Variants in LRRTM4 observed in about 807,000 individuals in gnomAD.
LRRTM4 encodes the protein leucine rich repeat transmembrane neuronal 4.
LRRTM4 carries 25 observed loss-of-function variants against 47.6 expected under a neutral mutation model. That is an observed-to-expected ratio of 0.53 (90% CI 0.38 to 0.73). The LOEUF (loss-of-function observed/expected upper bound fraction) is 0.73, where lower values mean the gene tolerates loss of function less well. Among genes scored for constraint, LRRTM4 ranks in the 30% least tolerant of loss-of-function variants. The probability of loss-of-function intolerance (pLI) is 0.00; values close to 1 mark genes in which losing one functional copy is unlikely to be tolerated. For synonymous variants in LRRTM4, 311 were observed against 269.5 expected, an observed-to-expected ratio of 1.15 and a Z score of -1.51; for missense variants, 638 against 713.4, an observed-to-expected ratio of 0.89 and a Z score of 1.20.
Position 77,518,729 on chromosome 2 carries a change from T to G in LRRTM4, c.1140A>C (p.Lys380Asn). Residue 380 changes from lysine (K) to asparagine (N), a missense_variant, in exon 3 of 4, where the codon AAA becomes AAC. By Grantham distance (94) the Lys-to-Asn change is moderately conservative (BLOSUM62 0). Transcript: ENST00000409884. ...RSHLVPQTPQKPLIIPRPTIF... is the reference protein window; with the variant it reads ...RSHLVPQTPQNPLIIPRPTIF... ...TGGTAGGTCTAGGGATAATCAGAGG[T>G]TTCTGGGGAGTTTGGGGCACCAGGT... The G allele has an allele frequency of 6.2e-7, 1 of 1,613,388 alleles. No homozygotes were observed.
intron 3 of LRRTM4, among the ~76,000 whole-genome samples, chr2:77,001,083 C>T (rs1029785801): frequency 2.0e-5 from 3 of 152,156 alleles, no homozygotes; most frequent in African/African-American, 7.2e-5. Flanking sequence ...TTTAAGCTAA[C>T]TAACTAAAGT....
intron 3 of LRRTM4, among the ~76,000 whole-genome samples, chr2:76,982,756 A>C (rs552622720): frequency 6.6e-6 from 1 of 152,222 alleles, no homozygotes; most frequent in East Asian, 1.9e-4. Context: ...TAATTAATAA[A>C]AGCCGATGTT....
At chr2:76,996,600 C>A (rs565967231) in intron 3 of LRRTM4, among the ~76,000 whole-genome samples, 1 of 151,948 alleles carries the variant, frequency 6.6e-6, no homozygotes, top group African/African-American at 2.4e-5. Context: ...TTCTTAAGTG[C>A]GAACTTAATA....
chr2:77,489,727 A>G (rs2104041390), intron 3 of LRRTM4, among the ~76,000 whole-genome samples: 1 of 152,336 alleles, frequency 6.6e-6, no homozygotes, highest in South Asian at 2.1e-4. Context: ...CATTATTACA[A>G]AACCTAATAT....
At chr2:77,367,924 T>C (rs757289666) in intron 3 of LRRTM4, among the ~76,000 whole-genome samples, 2 of 151,910 alleles carry the variant, frequency 1.3e-5, no homozygotes, top group Non-Finnish European at 2.9e-5. Context: ...TGTAAATTAA[T>C]TAAAATCAAA....
Position 76,938,264 on chromosome 2 carries a change from G to T in LRRTM4, c.1552-189348C>A, listed in dbSNP as rs1241453548. On this transcript the variant is annotated intron_variant, in intron 3 of 3. Transcript: ENST00000409884. ...TAGATATTTTGAGTTAATCAAAAAT[G>T]CATCATTTGGTCCTAACTGTCTGGC... Among the ~76,000 whole-genome samples the T allele has an allele frequency of 2.0e-5, 3 of 152,108 alleles. No homozygotes were observed. The East Asian group carries it at 5.8e-4, about 29-fold the overall frequency.
In LRRTM4 at chr2:77,207,372, T is replaced by TATACACACAC. The variant is rs59335400; in HGVS notation, c.1551+310945_1551+310946insGTGTGTGTAT. Among the ~76,000 whole-genome samples, 129 of 131,066 alleles carry TATACACACAC rather than the reference T, an allele frequency of 9.8e-4. 1 individual carries two copies. The highest frequency in any genetic ancestry group is 3.8e-3 in the African/African-American group (119 of 30,920). 86.0% of individuals were successfully genotyped at this position (131,066 alleles called of 152,430 possible). ...GTGTATATATATATATATATATATA[T>TATACACACAC]ACACACACACATATTTATATACACA... On this transcript the variant is annotated intron_variant, in intron 3 of 3. Coordinates refer to ENST00000409884, the MANE Select transcript of LRRTM4 (RefSeq NM_001134745.3).
rs62172134 is a variant in LRRTM4 at position 76,807,425 on chromosome 2, C to T, written c.1552-58509G>A. Among the ~76,000 whole-genome samples the T allele has an allele frequency of 2.2e-3, 219 of 97,864 alleles. 1 individual carries two copies. The highest frequency in any genetic ancestry group is 3.3e-3 in the African/African-American group (61 of 18,614). 64.2% of individuals were successfully genotyped at this position (97,864 alleles called of 152,430 possible). The stretch of plus-strand genomic sequence containing the variant: ...GTATATACGTATATATATATATATA[C>T]ATATATATATACGTATATACATATA... On this transcript the variant is annotated intron_variant, in intron 3 of 3. Coordinates refer to ENST00000409884, the MANE Select transcript of LRRTM4 (RefSeq NM_001134745.3).
intron 3 of LRRTM4, among the ~76,000 whole-genome samples, chr2:77,401,289 C>T (rs1453424418): frequency 2.0e-5 from 3 of 152,016 alleles, no homozygotes; most frequent in East Asian, 3.9e-4. Flanking sequence ...TGCAGACTAA[C>T]ATTTGAGAAT....
chr2:77,233,169 A>C (rs1401133156), intron 3 of LRRTM4, among the ~76,000 whole-genome samples: 1 of 152,228 alleles, frequency 6.6e-6, no homozygotes, highest in Non-Finnish European at 1.5e-5. Context: ...CTTTTGTAGG[A>C]AAACCCAGAG....
chr2:77,420,969 AAG>A (rs2103881177), intron 3 of LRRTM4, among the ~76,000 whole-genome samples: 1 of 150,372 alleles, frequency 6.7e-6, no homozygotes, highest in Admixed American at 6.6e-5. Flanking sequence ...AAAAAAAGAC[AAG>A]GCTCCTTGGA....
chr2:77,242,193 G>A (rs1015850979), intron 3 of LRRTM4, among the ~76,000 whole-genome samples: 1 of 152,022 alleles, frequency 6.6e-6, no homozygotes, highest in African/African-American at 2.4e-5. Flanking sequence ...TTGGAATTTG[G>A]ATAAGAATTG....
chr2:76,843,716 G>T (rs1671754288), intron 3 of LRRTM4, among the ~76,000 whole-genome samples: 1 of 152,114 alleles, frequency 6.6e-6, no homozygotes, highest in Non-Finnish European at 1.5e-5. Context: ...GTTGGAGAAG[G>T]TTGAGGATGG....
intron 3 of LRRTM4, chr2:77,517,431 C>G: frequency 1.0e-6 from 1 of 984,896 alleles, no homozygotes; most frequent in Non-Finnish European, 1.2e-6. Context: ...GGGATGACAG[C>G]AATACTGACA....
At chr2:77,171,281 C>T (rs974490829) in intron 3 of LRRTM4, among the ~76,000 whole-genome samples, 2 of 151,644 alleles carry the variant, frequency 1.3e-5, no homozygotes, top group Non-Finnish European at 2.9e-5. Flanking sequence ...TGCTTGCTTG[C>T]TTGTTTGTTT....
At chr2:76,830,645 A>G (rs1243142286) in intron 3 of LRRTM4, among the ~76,000 whole-genome samples, 2 of 151,818 alleles carry the variant, frequency 1.3e-5, no homozygotes, top group Non-Finnish European at 2.9e-5. Flanking sequence ...TTTATATTAA[A>G]ATTAAAGTCT....
At chr2:77,418,137 G>A (rs1358394165) in intron 3 of LRRTM4, among the ~76,000 whole-genome samples, 1 of 152,116 alleles carries the variant, frequency 6.6e-6, no homozygotes, top group African/African-American at 2.4e-5. Context: ...CTATTTCTGT[G>A]TCAAGGGTTC....
At chr2:76,807,419 T>C (rs1462036993) in intron 3 of LRRTM4, among the ~76,000 whole-genome samples, 1,398 of 85,568 alleles carry the variant, frequency 0.016, 55 homozygotes, top group African/African-American at 0.077. Context: ...TATATATATA[T>C]ATATACATAT....
intron 3 of LRRTM4, among the ~76,000 whole-genome samples, chr2:77,089,491 C>A (rs571892654): frequency 6.6e-6 from 1 of 151,574 alleles, no homozygotes; most frequent in South Asian, 2.1e-4. Flanking sequence ...CTTATTTCTG[C>A]GCCCCATCCC....
Sources: gnomAD v4.1 joint callset for allele counts (sites outside exome capture counted in the v4.1 genomes callset) on GRCh38, gnomAD v4.1.1 for gene constraint, MANE v1.5 for transcripts, NCBI Gene and HGNC (gene_info 2026-07-23, HGNC 2026-07-21) for gene names.